The following MEIS2 variants were observed in gnomAD, a reference collection of about 807,000 sequenced individuals.
MEIS2 encodes Meis homeobox 2.
MEIS2 carries 9 observed loss-of-function variants against 58.6 expected under a neutral mutation model. The observed-to-expected ratio is 0.15, with a 90% CI of 0.09 to 0.27. MEIS2 has a LOEUF of 0.27. Ranked by LOEUF, MEIS2 falls within the 10% of genes least tolerant of loss-of-function variation. MEIS2 has a pLI of 1.00. For missense variants in MEIS2, 427 were observed against 635.0 expected (o/e 0.67, Z 3.52); for synonymous variants, 221 against 228.4 (o/e 0.97, Z 0.29).
At chr15:36,914,923 C>T (rs61541950) in intron 9 of MEIS2, among the ~76,000 whole-genome samples, 7 of 152,224 alleles carry the variant, frequency 4.6e-5, no homozygotes, top group Admixed American at 2.0e-4. Context: ...TTATAAACAA[C>T]GTGAGCCAGG....
chr15:36,889,701 G>GA lies in MEIS2; in HGVS notation c.*2471dup, dbSNP rs1468612261. 1 of 151,660 alleles carries GA rather than the reference G, an allele frequency of 6.6e-6. No homozygotes were observed. Among genetic ancestry groups the GA allele is most frequent in the Admixed American group, 6.6e-5 (1 of 15,258 alleles). The allele number at this position is 151,660 out of a possible 1,614,324, so 9.4% of individuals were successfully genotyped here. A position where few individuals can be genotyped will look rare whatever the true frequency, so the allele number is the denominator to read the frequency against. ...GAAACCCTTCAGAATTTACTGAGTG[G>GA]AAAGAAAAAAAGGTTCTTTTTCCCA... On this transcript the variant is annotated 3_prime_UTR_variant, in exon 12 of 12. Coordinates refer to ENST00000561208, the MANE Select transcript of MEIS2 (RefSeq NM_170675.5).
intron 7 of MEIS2, among the ~76,000 whole-genome samples, chr15:37,070,203 A>C (rs551261645): frequency 6.6e-6 from 1 of 152,192 alleles, no homozygotes; most frequent in African/African-American, 2.4e-5. Flanking sequence ...TTAATGGAAC[A>C]TTCTGCACAA....
chr15:36,958,734 T>C (rs2059078317), intron 8 of MEIS2, among the ~76,000 whole-genome samples: 1 of 152,202 alleles, frequency 6.6e-6, no homozygotes, highest in Admixed American at 6.5e-5. Flanking sequence ...TTTGTTAGGA[T>C]GCTCCCATGA....
At chr15:36,987,048 T>C (rs893799885) in intron 8 of MEIS2, among the ~76,000 whole-genome samples, 1 of 152,170 alleles carries the variant, frequency 6.6e-6, no homozygotes, top group Admixed American at 6.6e-5. Context: ...TAAAACTTTC[T>C]GGACTACAGT....
intron 9 of MEIS2, among the ~76,000 whole-genome samples, chr15:36,925,845 G>GC (rs1056143815): frequency 1.3e-5 from 2 of 152,116 alleles, no homozygotes; most frequent in Non-Finnish European, 2.9e-5. Context: ...TCGCTCGTTT[G>GC]CCGCTGCTCA....
chr15:36,937,655 A>G (rs1368846906), intron 9 of MEIS2, among the ~76,000 whole-genome samples: 3 of 152,226 alleles, frequency 2.0e-5, no homozygotes, highest in Non-Finnish European at 4.4e-5. Flanking sequence ...ACTCACCCAC[A>G]GCAAAATGTC....
At chr15:37,015,938 C>T (rs994689237) in intron 8 of MEIS2, among the ~76,000 whole-genome samples, 1 of 152,126 alleles carries the variant, frequency 6.6e-6, no homozygotes, top group Admixed American at 6.6e-5. Context: ...CCTGTCCCCA[C>T]ATTTATGAAG....
intron 9 of MEIS2, among the ~76,000 whole-genome samples, chr15:36,906,452 A>T (rs2141251976): frequency 6.6e-6 from 1 of 152,228 alleles, no homozygotes; most frequent in East Asian, 1.9e-4. Context: ...GAAAAAGGAG[A>T]GATACAAATA....
chr15:37,001,304 T>C (rs1405147054), intron 8 of MEIS2, among the ~76,000 whole-genome samples: 2 of 152,072 alleles, frequency 1.3e-5, no homozygotes, highest in Non-Finnish European at 2.9e-5. Context: ...TCAGTAACAA[T>C]CTCACCACTT....
Position 37,095,911 on chromosome 15 carries a change from C to T in MEIS2, c.388-297G>A, listed in dbSNP as rs183774376. On this transcript the variant is annotated intron_variant, in intron 3 of 11. Transcript: ENST00000561208. ...TCCAAGAGGCTGTGGCTCTCCACTGCTGCCTGGGACCGCTCGGAGAGGCGC... is the reference window on the plus strand; with the variant it reads ...TCCAAGAGGCTGTGGCTCTCCACTGTTGCCTGGGACCGCTCGGAGAGGCGC... The T allele has an allele frequency of 6.9e-4, 335 of 486,196 alleles. 2 individuals are homozygous for T. The East Asian group carries it at 7.2e-3, about 10-fold the overall frequency. The allele number at this position is 486,196 out of a possible 1,614,324, so 30.1% of individuals were successfully genotyped here. A position where few individuals can be genotyped will look rare whatever the true frequency, so the allele number is the denominator to read the frequency against.
intron 9 of MEIS2, among the ~76,000 whole-genome samples, chr15:36,936,197 C>CT (rs397953201): frequency 0.078 from 10,866 of 139,056 alleles, 970 homozygotes; most frequent in African/African-American, 0.2. Flanking sequence ...CATTTTCTTT[C>CT]TTTTTTTTTT....
chr15:37,041,813 CA>C (rs2062434565), intron 7 of MEIS2, among the ~76,000 whole-genome samples: 2 of 151,922 alleles, frequency 1.3e-5, no homozygotes, highest in Non-Finnish European at 2.9e-5. Context: ...CCTGGGATTA[CA>C]AAAAGATTTA....
intron 11 of MEIS2, among the ~76,000 whole-genome samples, chr15:36,893,377 G>C (rs1030699472): frequency 9.9e-5 from 15 of 152,158 alleles, no homozygotes; most frequent in Admixed American, 9.2e-4. Flanking sequence ...TAATCTAAAG[G>C]CTTATATGCT....
At chr15:36,904,131 G>C (rs2056607853) in intron 9 of MEIS2, 1 of 152,180 alleles carries the variant, frequency 6.6e-6, no homozygotes, top group African/African-American at 2.4e-5. Flanking sequence ...TTATAGAGTA[G>C]GACTTTGTTC....
At chr15:36,978,900 A>T (rs925348397) in intron 8 of MEIS2, among the ~76,000 whole-genome samples, 3 of 152,246 alleles carry the variant, frequency 2.0e-5, no homozygotes, top group Admixed American at 1.3e-4. Flanking sequence ...TATGGCTAAA[A>T]TAAACATCAT....
At chr15:37,085,513 T>C (rs1892781080) in intron 6 of MEIS2, among the ~76,000 whole-genome samples, 1 of 152,186 alleles carries the variant, frequency 6.6e-6, no homozygotes, top group Admixed American at 6.5e-5. Flanking sequence ...AAACTGACTG[T>C]GAATTAATAT....
chr15:36,914,329 T>C (rs765851840), intron 9 of MEIS2, among the ~76,000 whole-genome samples: 37 of 152,264 alleles, frequency 2.4e-4, no homozygotes, highest in Non-Finnish European at 4.7e-4. Context: ...GGACTGAACT[T>C]TGGCATACTG....
intron 8 of MEIS2, among the ~76,000 whole-genome samples, chr15:37,003,417 T>C (rs958932640): frequency 1.3e-5 from 2 of 152,116 alleles, no homozygotes; most frequent in African/African-American, 4.8e-5. Flanking sequence ...TTAGACTTCA[T>C]ACATTTTGAT....
At chr15:36,946,335 T>C (rs1047533718) in intron 9 of MEIS2, among the ~76,000 whole-genome samples, 1 of 151,760 alleles carries the variant, frequency 6.6e-6, no homozygotes, top group Non-Finnish European at 1.5e-5. Context: ...AGAACTTTCT[T>C]TCAAAACGCC....
Sources: allele counts gnomAD v4.1 joint callset (sites outside exome capture counted in the v4.1 genomes callset), GRCh38; gene constraint gnomAD v4.1.1; transcripts MANE v1.5; gene names NCBI Gene and HGNC (gene_info 2026-07-23, HGNC 2026-07-21).